Variants in MYO1B observed in about 807,000 individuals in gnomAD.
MYO1B encodes myosin IB, also known as unconventional myosin-Ib.
In MYO1B, 72 loss-of-function variants were observed where a neutral mutation model predicts 159.7. The ratio of observed to expected loss-of-function variants is 0.45; its 90% confidence interval spans 0.37 to 0.55. The LOEUF is 0.55. Ranked by LOEUF, MYO1B falls within the 20% of genes least tolerant of loss-of-function variation. The probability of loss-of-function intolerance (pLI) is 0.00; values close to 1 mark genes in which losing one functional copy is unlikely to be tolerated. For missense variants in MYO1B, 1,062 were observed against 1,364.8 expected (o/e 0.78, Z 3.50); for synonymous variants, 468 against 473.8 (o/e 0.99, Z 0.16).
intron 2 of MYO1B, among the ~76,000 whole-genome samples, chr2:191,286,637 C>T (rs183935480): frequency 6.6e-6 from 1 of 152,236 alleles, no homozygotes; most frequent in Admixed American, 6.5e-5. Flanking sequence ...TTCCTGTATA[C>T]AAAGACCATT....
intron 17 of MYO1B, among the ~76,000 whole-genome samples, chr2:191,388,765 A>G (rs1695557220): frequency 2.0e-5 from 3 of 152,206 alleles, no homozygotes; most frequent in African/African-American, 7.2e-5. Context: ...TGATATGCAC[A>G]GATCTGAAGT....
At chr2:191,381,947 A>G (rs1278347903) in intron 14 of MYO1B, among the ~76,000 whole-genome samples, 1 of 152,248 alleles carries the variant, frequency 6.6e-6, no homozygotes, top group Non-Finnish European at 1.5e-5. Context: ...TTGAGTATTC[A>G]AATTTATAGT....
intron 5 of MYO1B, among the ~76,000 whole-genome samples, chr2:191,345,270 A>C (rs1370470435): frequency 6.6e-6 from 1 of 152,194 alleles, no homozygotes; most frequent in African/African-American, 2.4e-5. Flanking sequence ...GTTAGTTTGC[A>C]CATTAAAGTT....
intron 21 of MYO1B, among the ~76,000 whole-genome samples, chr2:191,396,882 G>A (rs1221234503): frequency 1.3e-5 from 2 of 152,084 alleles, no homozygotes; most frequent in African/African-American, 4.8e-5. Flanking sequence ...TAACCATCTT[G>A]CAGGCTACCC....
chr2:191,261,232 A>T (rs1408924844), intron 1 of MYO1B, among the ~76,000 whole-genome samples: 1 of 152,158 alleles, frequency 6.6e-6, no homozygotes, highest in Non-Finnish European at 1.5e-5. Context: ...ATAGTTTAAT[A>T]CAATGATTTT....
At chr2:191,364,676 T>G (rs1693886892) in intron 11 of MYO1B, among the ~76,000 whole-genome samples, 1 of 152,050 alleles carries the variant, frequency 6.6e-6, no homozygotes, top group Non-Finnish European at 1.5e-5. Flanking sequence ...ACTCTGGCTG[T>G]GATGTGGAGA....
intron 3 of MYO1B, among the ~76,000 whole-genome samples, chr2:191,326,546 G>C (rs993246557): frequency 1.3e-5 from 2 of 152,120 alleles, no homozygotes; most frequent in African/African-American, 4.8e-5. Flanking sequence ...TTTGAACTCA[G>C]TGGCTCTCTA....
At chr2:191,312,921 AT>A (rs1458883073) in intron 3 of MYO1B, among the ~76,000 whole-genome samples, 1 of 152,188 alleles carries the variant, frequency 6.6e-6, no homozygotes, top group Non-Finnish European at 1.5e-5. Context: ...TACTGACAAA[AT>A]TCCCACCTAT....
intron 6 of MYO1B, among the ~76,000 whole-genome samples, chr2:191,348,682 A>G (rs1310758788): frequency 6.6e-6 from 1 of 151,534 alleles, no homozygotes; most frequent in Non-Finnish European, 1.5e-5. Context: ...TTTCTCTTTG[A>G]CTACTTCTAC....
intron 11 of MYO1B, among the ~76,000 whole-genome samples, chr2:191,368,579 G>C (rs1274372934): frequency 2.0e-5 from 3 of 152,172 alleles, no homozygotes; most frequent in Non-Finnish European, 4.4e-5. Flanking sequence ...TTGTCAAGTA[G>C]TTCTGAATAA....
At chr2:191,348,347 C>T (rs147036528) in intron 6 of MYO1B, among the ~76,000 whole-genome samples, 1,886 of 152,306 alleles carry the variant, frequency 0.012, 21 homozygotes, top group Non-Finnish European at 0.02. Context: ...AATCCTGCTT[C>T]CTGGTGCCTG....
intron 3 of MYO1B, among the ~76,000 whole-genome samples, chr2:191,307,588 C>A (rs1353076860): frequency 2.6e-5 from 4 of 152,124 alleles, no homozygotes; most frequent in African/African-American, 9.7e-5. Flanking sequence ...GTTCGAACAC[C>A]TCCGACAAAC....
chr2:191,323,180 G>A (rs1035992883), intron 3 of MYO1B, among the ~76,000 whole-genome samples: 1 of 152,146 alleles, frequency 6.6e-6, no homozygotes, highest in Non-Finnish European at 1.5e-5. Flanking sequence ...AGGAGGACCA[G>A]AGGTCTCTTT....
intron 7 of MYO1B, among the ~76,000 whole-genome samples, chr2:191,356,353 T>TTGAG (rs1693284004): frequency 6.6e-6 from 1 of 150,588 alleles, no homozygotes; most frequent in African/African-American, 2.4e-5. Flanking sequence ...TTTTTTTTTT[T>TTGAG]TTTTGAGTTT....
intron 4 of MYO1B, 147 bp downstream of exon 4, chr2:191,330,176 G>C (rs1046291193): frequency 3.3e-6 from 2 of 602,284 alleles, no homozygotes; most frequent in African/African-American, 3.8e-5. Flanking sequence ...TAGGAACACA[G>C]AATGTTCTCT....
intron 1 of MYO1B, among the ~76,000 whole-genome samples, chr2:191,268,456 A>T (rs13398846): frequency 0.039 from 5,985 of 152,200 alleles, 401 homozygotes; most frequent in African/African-American, 0.14. Flanking sequence ...CTTCAACATA[A>T]TAGATTTTGG....
At chr2:191,334,116 G>A (rs1332347716) in intron 4 of MYO1B, among the ~76,000 whole-genome samples, 2 of 135,424 alleles carry the variant, frequency 1.5e-5, no homozygotes, top group African/African-American at 5.2e-5. Context: ...TGTGACTAAC[G>A]GTTTTTTTTT....
intron 18 of MYO1B, among the ~76,000 whole-genome samples, chr2:191,391,595 A>G (rs1005571354): frequency 6.6e-6 from 1 of 151,948 alleles, no homozygotes; most frequent in African/African-American, 2.4e-5. Flanking sequence ...TGATGTTGAA[A>G]CCGGGGTCCA....
rs962102631 is a variant in MYO1B, at chr2:191,424,200, G to A, written c.*240G>A. ...CAGTGTCTATTTTCATGTCTGATGTGTTCTTCCTTTAGTCATCATGTTAGG... is the reference window on the plus strand; with the variant it reads ...CAGTGTCTATTTTCATGTCTGATGTATTCTTCCTTTAGTCATCATGTTAGG... On this transcript the variant is annotated 3_prime_UTR_variant, in exon 31 of 31. Transcript: ENST00000392318. 6.4e-6 allele frequency: 3 copies of A among 465,796 alleles called. No individual in the cohort carries two copies. Among genetic ancestry groups the A allele is most frequent in the Non-Finnish European group, 1.1e-5 (3 of 265,074 alleles). 28.9% of individuals were successfully genotyped at this position (465,796 alleles called of 1,614,324 possible). A position where few individuals can be genotyped will look rare whatever the true frequency, so the allele number is the denominator to read the frequency against.
Sources: allele counts gnomAD v4.1 joint callset (sites outside exome capture counted in the v4.1 genomes callset), GRCh38; gene constraint gnomAD v4.1.1; transcripts MANE v1.5; gene names NCBI Gene and HGNC (gene_info 2026-07-23, HGNC 2026-07-21).